The following TTLL1 variants were observed in gnomAD, a reference collection of about 807,000 sequenced individuals.
TTLL1 encodes polyglutamylase complex subunit TTLL1.
Under a neutral mutation model 47.8 loss-of-function variants are expected in TTLL1, and 33 were observed. That is an observed-to-expected ratio of 0.69 (90% confidence interval 0.52 to 0.92). The LOEUF (loss-of-function observed/expected upper bound fraction) is 0.92. TTLL1 is among the 40% of genes least tolerant of loss of function. The probability of loss-of-function intolerance (pLI) is 0.00; values close to 1 mark genes in which losing one functional copy is unlikely to be tolerated. For synonymous variants in TTLL1, 225 were observed against 214.1 expected (o/e 1.05, Z -0.45); for missense variants, 488 against 547.5 (o/e 0.89, Z 1.08).
chr22:43,084,210 G>A (rs1040992383), intron 1 of TTLL1, among the ~76,000 whole-genome samples: 29 of 152,042 alleles, frequency 1.9e-4, no homozygotes, highest in African/African-American at 6.8e-4. Context: ...GAGTGCAGTG[G>A]TGCAATCTTG....
intron 7 of TTLL1, among the ~76,000 whole-genome samples, chr22:43,062,190 T>C (rs908106375): frequency 6.7e-6 from 1 of 149,864 alleles, no homozygotes; most frequent in African/African-American, 2.4e-5. Flanking sequence ...GTTGAAAATA[T>C]TGTAAGTTGA....
At chr22:43,077,178 C>G (rs1216058118) in intron 2 of TTLL1, among the ~76,000 whole-genome samples, 2 of 152,108 alleles carry the variant, frequency 1.3e-5, no homozygotes, top group East Asian at 1.9e-4. Flanking sequence ...CTTAAACACA[C>G]AGACCCCTGG....
intron 10 of TTLL1, 184 bp from the exon 11 acceptor site, chr22:43,040,089 T>C: frequency 1.4e-6 from 1 of 692,632 alleles, no homozygotes; most frequent in East Asian, 3.0e-5. Context: ...GCCTGCCAGG[T>C]GGCTCTCGCA....
intron 10 of TTLL1, among the ~76,000 whole-genome samples, chr22:43,044,636 C>T (rs1173382076): frequency 1.3e-5 from 2 of 152,210 alleles, no homozygotes; most frequent in Non-Finnish European, 2.9e-5. Flanking sequence ...CTGCTTCCCT[C>T]TCTTCTCCAC....
intron 7 of TTLL1, among the ~76,000 whole-genome samples, chr22:43,060,789 A>G (rs540318282): frequency 1.3e-5 from 2 of 152,356 alleles, no homozygotes; most frequent in East Asian, 3.9e-4. Flanking sequence ...TTAGGAGACT[A>G]CATTTCATTT....
intron 5 of TTLL1, among the ~76,000 whole-genome samples, chr22:43,065,093 C>G (rs1271708071): frequency 6.6e-6 from 1 of 150,480 alleles, no homozygotes; most frequent in African/African-American, 2.4e-5. Flanking sequence ...TGCAGTGAAC[C>G]AAGATCCTGC....
chr22:43,052,549 G>A (rs1218179875), intron 8 of TTLL1, among the ~76,000 whole-genome samples: 2 of 151,826 alleles, frequency 1.3e-5, no homozygotes, highest in African/African-American at 2.4e-5. Context: ...AGACCAGCCT[G>A]AGCAACACAG....
chr22:43,056,163 C>T (rs949107543), intron 8 of TTLL1, among the ~76,000 whole-genome samples: 1 of 151,616 alleles, frequency 6.6e-6, no homozygotes, highest in African/African-American at 2.4e-5. Flanking sequence ...AGATGGAGAC[C>T]ATCCTAGCCA....
intron 8 of TTLL1, among the ~76,000 whole-genome samples, chr22:43,056,118 T>C (rs1359814376): frequency 6.6e-6 from 1 of 151,844 alleles, no homozygotes; most frequent in Non-Finnish European, 1.5e-5. Context: ...TCCCAGCACT[T>C]TGGGAGTCCG....
chr22:43,064,423 A>C, intron 5 of TTLL1, 99 bp from the exon 6 acceptor site: 4 of 1,397,512 alleles, frequency 2.9e-6, no homozygotes, highest in Non-Finnish European at 3.8e-6. Flanking sequence ...CTTCATTAAA[A>C]TTAAAAAATT....
chr22:43,078,856 C>T (rs1928683010), intron 2 of TTLL1, among the ~76,000 whole-genome samples: 1 of 151,240 alleles, frequency 6.6e-6, no homozygotes, highest in African/African-American at 2.4e-5. Context: ...ACCCCTCACA[C>T]CCACAGACAC....
intron 10 of TTLL1, among the ~76,000 whole-genome samples, chr22:43,041,581 C>A (rs1925687004): frequency 7.0e-6 from 1 of 143,696 alleles, no homozygotes; most frequent in South Asian, 2.2e-4. Context: ...GTGGCCCGAT[C>A]TTGGCTCACT....
chr22:43,042,418 A>G (rs1320242809), intron 10 of TTLL1, among the ~76,000 whole-genome samples: 1 of 152,238 alleles, frequency 6.6e-6, no homozygotes, highest in Non-Finnish European at 1.5e-5. Context: ...CTGTTCTAGC[A>G]GGCTTTTCTT....
intron 9 of TTLL1, 103 bp downstream of exon 9, chr22:43,051,698 T>C (rs560274870): frequency 3.6e-5 from 40 of 1,105,884 alleles, no homozygotes; most frequent in Admixed American, 1.0e-4. Context: ...CTGCCTGGCC[T>C]GAGAAACATC....
At chr22:43,048,197 A>C (rs1354018602) in intron 9 of TTLL1, among the ~76,000 whole-genome samples, 7 of 151,962 alleles carry the variant, frequency 4.6e-5, no homozygotes, top group African/African-American at 1.2e-4. Flanking sequence ...GGCGCCTGTA[A>C]TCCCAGCCAC....
intron 3 of TTLL1, among the ~76,000 whole-genome samples, chr22:43,073,325 CTATT>C (rs72103212): frequency 0.3 from 43,225 of 142,106 alleles, 6,916 homozygotes; most frequent in Middle Eastern, 0.37. Context: ...TGCGCCCGGT[CTATT>C]TATTTATTTA....
intron 7 of TTLL1, among the ~76,000 whole-genome samples, chr22:43,063,496 C>T (rs1198302774): frequency 1.3e-4 from 20 of 150,174 alleles, no homozygotes; most frequent in Admixed American, 1.3e-3. Context: ...GACAGAGTCT[C>T]GCTCAGTTGT....
At chr22:43,061,677 G>T (rs1601677888) in intron 7 of TTLL1, among the ~76,000 whole-genome samples, 1 of 152,168 alleles carries the variant, frequency 6.6e-6, no homozygotes, top group East Asian at 1.9e-4. Context: ...ACAAAGCCCT[G>T]TGTGTCTGCC....
In TTLL1 at chr22:43,046,500, GTGT is replaced by G; in HGVS notation, c.1049_1051del (p.Asp350_Thr351delinsAla). ...ACCATTCGGGACGGCGATGTTGAGGGTGTCATTAATCAGGTTGTACTTGAGGAT... is the reference window on the plus strand; with the variant it reads ...ACCATTCGGGACGGCGATGTTGAGGGCATTAATCAGGTTGTACTTGAGGAT... On this transcript the variant is annotated inframe_deletion, in exon 10 of 11. Transcript: ENST00000266254. 6.2e-7 allele frequency: 1 copy of G among 1,614,118 alleles called. No homozygotes were observed. The highest frequency in any genetic ancestry group is 8.5e-7 in the Non-Finnish European group (1 of 1,180,022).
Sources: allele counts gnomAD v4.1 joint callset (sites outside exome capture counted in the v4.1 genomes callset), GRCh38; gene constraint gnomAD v4.1.1; transcripts MANE v1.5; gene names NCBI Gene and HGNC (gene_info 2026-07-23, HGNC 2026-07-21).